Variants in NSL1 observed in about 807,000 individuals in gnomAD.
The protein encoded by NSL1 is NSL1 component of MIS12 kinetochore complex.
Under a neutral mutation model 25.4 loss-of-function variants are expected in NSL1, and 11 were observed. That is an observed-to-expected ratio of 0.43 (90% confidence interval 0.27 to 0.72). NSL1 has a LOEUF of 0.72. NSL1 is among the 30% of genes least tolerant of loss of function. NSL1 has a pLI of 0.19. For synonymous variants in NSL1, 118 were observed against 120.6 expected (o/e 0.98, Z 0.14); for missense variants, 330 against 342.7 (o/e 0.96, Z 0.29).
At chr1:212,789,971 T>C (rs1441860349) in intron 1 of NSL1, among the ~76,000 whole-genome samples, 2 of 152,112 alleles carry the variant, frequency 1.3e-5, no homozygotes, top group Non-Finnish European at 1.5e-5. Flanking sequence ...TATACAAAAC[T>C]ACATACAGAG....
chr1:212,740,060 C>T (rs542503785), intron 4 of NSL1, among the ~76,000 whole-genome samples: 5 of 152,260 alleles, frequency 3.3e-5, no homozygotes, highest in African/African-American at 1.2e-4. Context: ...CTTTCTCTTT[C>T]CTTACTTCCT....
chr1:212,777,806 T>G (rs1660443569), intron 4 of NSL1, among the ~76,000 whole-genome samples: 1 of 152,194 alleles, frequency 6.6e-6, no homozygotes, highest in South Asian at 2.1e-4. Context: ...CACTTAAATA[T>G]GGGTGGTGGG....
intron 4 of NSL1, among the ~76,000 whole-genome samples, chr1:212,775,554 GA>G (rs911597650): frequency 7.3e-5 from 11 of 151,516 alleles, no homozygotes; most frequent in African/African-American, 2.7e-4. Context: ...TTGAGGCCAG[GA>G]GTTAGAGACC....
rs1277137434 is a variant in NSL1 at position 212,727,532 on chromosome 1, A to C, written c.*10876T>G. 1.4e-5 allele frequency: 14 copies of C among 985,336 alleles called. No homozygotes were observed. The highest frequency in any genetic ancestry group is 1.7e-5 in the Non-Finnish European group (14 of 829,938). The allele number at this position is 985,336 out of a possible 1,614,324, so 61.0% of individuals were successfully genotyped here. On this transcript the variant is annotated 3_prime_UTR_variant, in exon 6 of 6. Coordinates refer to ENST00000366977, the MANE Select transcript of NSL1 (RefSeq NM_015471.4). The stretch of plus-strand genomic sequence containing the variant: ...ATATCATAACTATACCACTGGAGAG[A>C]AAGGACAATGAATTAGACGTGTGCC...
chr1:212,782,386 T>C lies in NSL1; in HGVS notation c.485A>G (p.Tyr162Cys), dbSNP rs1455887602. The C allele has an allele frequency of 3.1e-6, 5 of 1,610,912 alleles. No homozygotes were observed. In the African/African-American group the frequency reaches 5.3e-5, roughly 17 times the overall value. The change falls in exon 4 of 6, where the codon TAT becomes TGT. Residue 162 changes from tyrosine (Y) to cysteine (C), a missense_variant. By Grantham distance (194) the Tyr-to-Cys change is radical (BLOSUM62 -2). Coordinates refer to ENST00000366977, the MANE Select transcript of NSL1 (RefSeq NM_015471.4). ...TACTGACTCACCTGGATCAGGGTCA[T>C]ATTTTAGGTCCAGTGGATGTACAAC... The part of the protein sequence containing the change: ...HPVVHPLDLK[Y>C]DPDPAPHMEN...
At position 212,729,758 on chromosome 1, in the gene NSL1, G is replaced by A; in HGVS notation, c.*8650C>T. The A allele has an allele frequency of 3.0e-6, 3 of 985,382 alleles. No individual in the cohort carries two copies. The highest frequency in any genetic ancestry group is 3.6e-6 in the Non-Finnish European group (3 of 829,916). 61.0% of individuals were successfully genotyped at this position (985,382 alleles called of 1,614,324 possible). On this transcript the variant is annotated 3_prime_UTR_variant, in exon 6 of 6. Coordinates refer to ENST00000366977, the MANE Select transcript of NSL1 (RefSeq NM_015471.4). Reference sequence around the variant, plus strand: ...CCTTTTTCCTATCCGCTCTTCTGGTGGAGATGCTCGGCTATAAAACGGCTC... The same window carrying A: ...CCTTTTTCCTATCCGCTCTTCTGGTAGAGATGCTCGGCTATAAAACGGCTC...
chr1:212,766,873 T>C (rs1369927269), intron 4 of NSL1, among the ~76,000 whole-genome samples: 3 of 152,068 alleles, frequency 2.0e-5, no homozygotes, highest in Non-Finnish European at 4.4e-5. Flanking sequence ...CTTAGGAATA[T>C]ACTTAACCAA....
At chr1:212,771,479 T>A (rs570373203) in intron 4 of NSL1, among the ~76,000 whole-genome samples, 2 of 152,072 alleles carry the variant, frequency 1.3e-5, no homozygotes, top group Non-Finnish European at 2.9e-5. Context: ...CTATTCAACA[T>A]AGCACTGGAA....
At chr1:212,763,844 A>G (rs1659679862) in intron 4 of NSL1, among the ~76,000 whole-genome samples, 1 of 152,230 alleles carries the variant, frequency 6.6e-6, no homozygotes, top group South Asian at 2.1e-4. Flanking sequence ...TGGGACTTCA[A>G]TACTCCACTG....
rs921706491 is a variant in NSL1, at chr1:212,731,314, G to C, written c.*7094C>G. On this transcript the variant is annotated 3_prime_UTR_variant, in exon 6 of 6. Transcript: ENST00000366977. ...CTCATTCCTGTAATCCCAGCACTTTGGGAAGCTGAGGCAGGAGGATGGCTT... is the reference window on the plus strand; with the variant it reads ...CTCATTCCTGTAATCCCAGCACTTTCGGAAGCTGAGGCAGGAGGATGGCTT... The C allele has an allele frequency of 1.0e-6, 1 of 982,942 alleles. No homozygotes were observed. The highest frequency in any genetic ancestry group is 1.8e-5 in the African/African-American group (1 of 57,138). The allele number at this position is 982,942 out of a possible 1,614,324, so 60.9% of individuals were successfully genotyped here. A position where few individuals can be genotyped will look rare whatever the true frequency, so the allele number is the denominator to read the frequency against.
In NSL1 at chr1:212,729,226, A is replaced by T; in HGVS notation, c.*9182T>A. The T allele has an allele frequency of 1.0e-6, 1 of 985,414 alleles. No homozygotes were observed. Among genetic ancestry groups the T allele is most frequent in the Non-Finnish European group, 1.2e-6 (1 of 829,922 alleles). The allele number at this position is 985,414 out of a possible 1,614,324, so 61.0% of individuals were successfully genotyped here. On this transcript the variant is annotated 3_prime_UTR_variant, in exon 6 of 6. Coordinates refer to ENST00000366977, the MANE Select transcript of NSL1 (RefSeq NM_015471.4). ...GTTTCACTCTCAGGTTCCCTCTAGG[A>T]GCAGAAGTGCAGGTTTGCTTGGGCT... is the stretch of plus-strand genomic sequence containing the variant.
At chr1:212,777,553 G>C (rs762078951) in intron 4 of NSL1, among the ~76,000 whole-genome samples, 4 of 152,124 alleles carry the variant, frequency 2.6e-5, no homozygotes, top group Non-Finnish European at 5.9e-5. Flanking sequence ...AAAATGATAT[G>C]ATCAGTATGA....
chr1:212,727,813 G>A lies in NSL1; in HGVS notation c.*10595C>T. 1 of 978,542 alleles carries A rather than the reference G, an allele frequency of 1.0e-6. No individual in the cohort carries two copies. Among genetic ancestry groups the A allele is most frequent in the Non-Finnish European group, 1.2e-6 (1 of 823,774 alleles). The allele number at this position is 978,542 out of a possible 1,614,324, so 60.6% of individuals were successfully genotyped here. A position where few individuals can be genotyped will look rare whatever the true frequency, so the allele number is the denominator to read the frequency against. On this transcript the variant is annotated 3_prime_UTR_variant, in exon 6 of 6. Coordinates refer to ENST00000366977, the MANE Select transcript of NSL1 (RefSeq NM_015471.4). ...ACTTTGAGCACTTTCTTAGACACTA[G>A]TATTACATAGTAATATTCACTATTC...
At chr1:212,784,324 T>C (rs1457208091) in intron 3 of NSL1, 39 bp downstream of exon 3, 1 of 1,420,410 alleles carries the variant, frequency 7.0e-7, no homozygotes. Context: ...TTTATTGTGG[T>C]AAAATATACT....
intron 4 of NSL1, among the ~76,000 whole-genome samples, chr1:212,747,764 ATTTTCTT>A (rs1376803912): frequency 6.6e-6 from 1 of 152,010 alleles, no homozygotes; most frequent in East Asian, 1.9e-4. Flanking sequence ...AGTGAGATTT[ATTTTCTT>A]TTTTCTTTTT....
chr1:212,755,984 A>C (rs550150945), intron 4 of NSL1, among the ~76,000 whole-genome samples: 2 of 152,360 alleles, frequency 1.3e-5, no homozygotes, highest in African/African-American at 4.8e-5. Flanking sequence ...TGTCCAGTGC[A>C]TATTTATTCC....
In NSL1 at chr1:212,791,683, C is replaced by A; in HGVS notation, c.81G>T (p.Leu27Phe). The stretch of plus-strand genomic sequence containing the variant: ...AGTCTTCTCGGGGAGTGGCGGAGAC[C>A]AAGGCCTGGCTCTCTGTGCCAGCCG... ...ELAAGTESQALVSATPREDFR... is the reference protein window; with the variant it reads ...ELAAGTESQAFVSATPREDFR... The change falls in exon 1 of 6, where the codon TTG (leucine) becomes TTT (phenylalanine). Residue 27 changes from leucine (L) to phenylalanine (F), a missense_variant. Transcript: ENST00000366977. 6.2e-7 allele frequency: 1 copy of A among 1,614,000 alleles called. No homozygotes were observed. Among genetic ancestry groups the A allele is most frequent in the Non-Finnish European group, 8.5e-7 (1 of 1,180,030 alleles).
At position 212,738,141 on chromosome 1, in the gene NSL1, A is replaced by G; in HGVS notation, c.*267T>C. On this transcript the variant is annotated 3_prime_UTR_variant, in exon 6 of 6. Transcript: ENST00000366977. Reference sequence around the variant, plus strand: ...GAGTTGATGGCACTTAAGGACAGTAAAAGTCTGCACTTTTAATATTTTTAA... The same window carrying G: ...GAGTTGATGGCACTTAAGGACAGTAGAAGTCTGCACTTTTAATATTTTTAA... The G allele has an allele frequency of 5.3e-6, 6 of 1,140,004 alleles. No individual in the cohort carries two copies. Among genetic ancestry groups the G allele is most frequent in the African/African-American group, 1.6e-5 (1 of 62,276 alleles). 70.6% of individuals were successfully genotyped at this position (1,140,004 alleles called of 1,614,324 possible). A position where few individuals can be genotyped will look rare whatever the true frequency, so the allele number is the denominator to read the frequency against.
rs373487989 is a variant in NSL1 at position 212,739,597 on chromosome 1, A to G, written c.504T>C (p.Pro168=). The G allele has an allele frequency of 1.1e-5, 18 of 1,613,136 alleles. No individual in the cohort carries two copies. The highest frequency in any genetic ancestry group is 1.6e-4 in the Middle Eastern group (1 of 6,078). ...CTCTGCATTTCAAATTTTCCATATG[A>G]GGGGCTGCAAAAACATTGCCAAACA... is the stretch of plus-strand genomic sequence containing the variant. The part of the protein sequence containing the change: ...LDLKYDPDPA[P]HMENLKCRGE... Residue 168 remains proline (P), a synonymous_variant, in exon 5 of 6, where the codon CCT becomes CCC. Coordinates refer to ENST00000366977, the MANE Select transcript of NSL1 (RefSeq NM_015471.4).
Sources: allele counts gnomAD v4.1 joint callset (sites outside exome capture counted in the v4.1 genomes callset), GRCh38; gene constraint gnomAD v4.1.1; transcripts MANE v1.5; gene names NCBI Gene and HGNC (gene_info 2026-07-23, HGNC 2026-07-21).